CFAP58: variants seen among roughly 807,000 people sequenced by gnomAD.
The protein encoded by CFAP58 is cilia- and flagella-associated protein 58.
A neutral mutation model predicts 119.5 loss-of-function variants in CFAP58; 88 were observed. That is an observed-to-expected ratio of 0.74 (90% CI 0.62 to 0.88). CFAP58 has a LOEUF of 0.88. Ranked by LOEUF, CFAP58 falls within the 40% of genes least tolerant of loss-of-function variation. The pLI is 0.00. For missense variants in CFAP58, 990 were observed against 1,021.2 expected, an observed-to-expected ratio of 0.97 and a Z score of 0.42; for synonymous variants, 365 against 366.3, an observed-to-expected ratio of 1.00 and a Z score of 0.04.
In CFAP58 at chr10:104,399,477, A is replaced by AG. The variant is rs753541716; in HGVS notation, c.1793dup (p.Gln599ThrfsTer11). On this transcript the variant is annotated frameshift_variant, in exon 12 of 18. Coordinates refer to ENST00000369704, the MANE Select transcript of CFAP58 (RefSeq NM_001008723.2). LOFTEE classifies it high-confidence loss of function. ...TGCTGAGGCTGACGGGGAGAGGTTG[A>AG]GACAGAAGAAGGAATTAGACCAGGT... is the stretch of plus-strand genomic sequence containing the variant. The AG allele has an allele frequency of 6.2e-7, 1 of 1,613,726 alleles. No homozygotes were observed. The highest frequency in any genetic ancestry group is 2.2e-5 in the East Asian group (1 of 44,878).
At chr10:104,444,473 A>G (rs1392339783) in intron 15 of CFAP58, among the ~76,000 whole-genome samples, 2 of 152,226 alleles carry the variant, frequency 1.3e-5, no homozygotes, top group Non-Finnish European at 2.9e-5. Flanking sequence ...TTGTCTCTAA[A>G]TGGGGTTATT....
At chr10:104,358,717 G>A in intron 2 of CFAP58, 95 bp downstream of exon 2, 1 of 1,138,652 alleles carries the variant, frequency 8.8e-7, no homozygotes, top group Non-Finnish European at 1.2e-6. Flanking sequence ...TGAGTTATTA[G>A]GTAAAAATTT....
the CFAP58 span, among the ~76,000 whole-genome samples, chr10:104,348,446 C>G: frequency 6.6e-6 from 1 of 152,140 alleles, no homozygotes; most frequent in Non-Finnish European, 1.5e-5. Flanking sequence ...CGATTCTATC[C>G]AGGTTTAAAT....
At position 104,393,346 on chromosome 10, in the gene CFAP58, GA is replaced by G. The variant is rs1564889907; in HGVS notation, c.1547del (p.Lys516ArgfsTer4). On this transcript the variant is annotated frameshift_variant, in exon 11 of 18. Coordinates refer to ENST00000369704, the MANE Select transcript of CFAP58 (RefSeq NM_001008723.2). LOFTEE classifies it high-confidence loss of function. ...TTGGTTAGGATGAAATAACAGATAT[GA>G]AGAGAAAGTTAAAGATTATGATCCA... is the stretch of plus-strand genomic sequence containing the variant. ...VEAQDEITDM[K>X]RKLKIMIHQV... 1.2e-6 allele frequency: 2 copies of G among 1,613,520 alleles called. No homozygotes were observed. Among genetic ancestry groups the G allele is most frequent in the Admixed American group, 3.3e-5 (2 of 59,970 alleles).
At chr10:104,407,885 T>C (rs1010864882) in intron 15 of CFAP58, among the ~76,000 whole-genome samples, 3 of 152,058 alleles carry the variant, frequency 2.0e-5, no homozygotes, top group Admixed American at 1.3e-4. Context: ...TTAGTAGAGA[T>C]GGGGTTTCAC....
At chr10:104,407,030 G>C (rs958019900) in intron 15 of CFAP58, among the ~76,000 whole-genome samples, 1 of 152,072 alleles carries the variant, frequency 6.6e-6, no homozygotes, top group Middle Eastern at 3.2e-3. Context: ...TACTGCAATG[G>C]GTAATGTGAG....
At chr10:104,339,876 T>C in the CFAP58 span, among the ~76,000 whole-genome samples, 1 of 152,160 alleles carries the variant, frequency 6.6e-6, no homozygotes, top group Non-Finnish European at 1.5e-5. Context: ...TCCGGTGGGT[T>C]ACTCACACCC....
intron 7 of CFAP58, 99 bp downstream of exon 7, chr10:104,371,153 C>A: frequency 1.4e-5 from 16 of 1,132,562 alleles, no homozygotes; most frequent in African/African-American, 1.6e-5. Flanking sequence ...CAACCTATGC[C>A]AAATGAAATC....
At chr10:104,402,004 A>G (rs1362065088) in intron 13 of CFAP58, among the ~76,000 whole-genome samples, 1 of 152,212 alleles carries the variant, frequency 6.6e-6, no homozygotes, top group Non-Finnish European at 1.5e-5. Context: ...TACATACACA[A>G]AGGACCACAT....
rs190930401 is a variant in CFAP58 at position 104,361,528 on chromosome 10, T to A, written c.292-495T>A. The stretch of plus-strand genomic sequence containing the variant: ...AATTTAGGGCTTGGATCTATGATCA[T>A]TTCTCATGTGATAAAACTTATTTTT... On this transcript the variant is annotated intron_variant, in intron 2 of 17. Coordinates refer to ENST00000369704, the MANE Select transcript of CFAP58 (RefSeq NM_001008723.2). Among the ~76,000 whole-genome samples, 26 of 152,346 alleles carry A rather than the reference T, an allele frequency of 1.7e-4. 2 individuals carry two copies. Among genetic ancestry groups the A allele is most frequent in the African/African-American group, 6.3e-4 (26 of 41,582 alleles).
At chr10:104,407,833 G>T (rs900892192) in intron 15 of CFAP58, among the ~76,000 whole-genome samples, 11 of 151,980 alleles carry the variant, frequency 7.2e-5, no homozygotes, top group Admixed American at 6.6e-4. Context: ...AGTAGCTGGG[G>T]TTACAGGTGT....
intron 1 of CFAP58, among the ~76,000 whole-genome samples, chr10:104,356,004 G>A (rs971373000): frequency 6.6e-6 from 1 of 152,202 alleles, no homozygotes; most frequent in Non-Finnish European, 1.5e-5. Flanking sequence ...ACAAATTTTT[G>A]TGTGTGCTTA....
intron 14 of CFAP58, 27 bp downstream of exon 14, chr10:104,403,867 A>G (rs1288637687): frequency 1.4e-6 from 2 of 1,430,848 alleles, no homozygotes; most frequent in East Asian, 2.3e-5. Context: ...TGTTCTCCCC[A>G]TCCCCAAATC....
In CFAP58 at chr10:104,376,821, T is replaced by C; in HGVS notation, c.1101T>C (p.Ala367=). 1 of 1,613,380 alleles carries C rather than the reference T, an allele frequency of 6.2e-7. No individual in the cohort carries two copies. The highest frequency in any genetic ancestry group is 8.5e-7 in the Non-Finnish European group (1 of 1,179,622). The stretch of plus-strand genomic sequence containing the variant: ...TCCCTGGGGATTCAGAGGTAGAGGC[T>C]TCAAAGAAACAAGCAGAACTTGACA... ...QIVGLEREVE[A]SKKQAELDRK... The change falls in exon 8 of 18, where the codon GCT becomes GCC. Residue 367 remains alanine, a synonymous_variant. Transcript: ENST00000369704.
intron 17 of CFAP58, among the ~76,000 whole-genome samples, chr10:104,453,209 G>A (rs1439075973): frequency 2.0e-5 from 3 of 152,112 alleles, no homozygotes; most frequent in Non-Finnish European, 4.4e-5. Flanking sequence ...AGAGCCAGAC[G>A]AGTTGCCAAA....
chr10:104,418,634 G>T (rs977622630), intron 15 of CFAP58, among the ~76,000 whole-genome samples: 19 of 152,314 alleles, frequency 1.2e-4, no homozygotes, highest in African/African-American at 4.6e-4. Flanking sequence ...CCTCCCAATA[G>T]AGCCACTGAA....
chr10:104,405,768 G>C (rs891182903), intron 14 of CFAP58, among the ~76,000 whole-genome samples: 1 of 152,210 alleles, frequency 6.6e-6, no homozygotes, highest in Non-Finnish European at 1.5e-5. Flanking sequence ...AATTACCAAA[G>C]GAGAATCCTA....
At chr10:104,369,927 G>A (rs1019603362) in intron 6 of CFAP58, among the ~76,000 whole-genome samples, 20 of 152,164 alleles carry the variant, frequency 1.3e-4, no homozygotes, top group Admixed American at 2.6e-4. Flanking sequence ...GAAGTCTTTA[G>A]ACAAAAATCG....
At position 104,362,163 on chromosome 10, in the gene CFAP58, G is replaced by A. The variant is rs1217791712; in HGVS notation, c.432G>A (p.Gln144=). The part of the protein sequence containing the change: ...VEQGSGLSMD[Q]HSNIRDLLRF... Reference sequence around the variant, plus strand: ...AGGGGTCTGGACTGTCAATGGACCAGCATAGCAAGTAGGTCATAGCCTTGT... The same window carrying A: ...AGGGGTCTGGACTGTCAATGGACCAACATAGCAAGTAGGTCATAGCCTTGT... The change falls in exon 3 of 18, where the codon CAG becomes CAA. Residue 144 remains glutamine (Q), a synonymous_variant. Transcript: ENST00000369704. 1 of 1,612,174 alleles carries A rather than the reference G, an allele frequency of 6.2e-7. No homozygotes were observed. Among genetic ancestry groups the A allele is most frequent in the Non-Finnish European group, 8.5e-7 (1 of 1,179,258 alleles).
Sources: allele counts gnomAD v4.1 joint callset (sites outside exome capture counted in the v4.1 genomes callset), GRCh38; gene constraint gnomAD v4.1.1; transcripts MANE v1.5; gene names NCBI Gene and HGNC (gene_info 2026-07-23, HGNC 2026-07-21).